The following TSHZ3 variants were observed in gnomAD, a reference collection of about 807,000 sequenced individuals.
TSHZ3 encodes teashirt homolog 3.
In TSHZ3, 10 loss-of-function variants were observed where a neutral mutation model predicts 64.5. That is an observed-to-expected ratio of 0.16 (90% CI 0.10 to 0.26). The LOEUF is 0.26. Ranked by LOEUF, TSHZ3 falls within the 10% of genes least tolerant of loss-of-function variation. The pLI, the probability that TSHZ3 is intolerant of heterozygous loss-of-function variation, is 1.00. For missense variants in TSHZ3, 1,242 were observed against 1,421.7 expected (o/e 0.87, Z 2.03); for synonymous variants, 608 against 593.1 (o/e 1.03, Z -0.36).
intron 1 of TSHZ3, among the ~76,000 whole-genome samples, chr19:31,301,896 T>C (rs1383567718): frequency 6.6e-6 from 1 of 152,072 alleles, no homozygotes; most frequent in Non-Finnish European, 1.5e-5. Context: ...GGAGACACTG[T>C]GTCCCAGATA....
intron 1 of TSHZ3, among the ~76,000 whole-genome samples, chr19:31,316,934 C>T (rs1336355967): frequency 6.6e-6 from 1 of 152,096 alleles, no homozygotes; most frequent in East Asian, 1.9e-4. Flanking sequence ...TCTCTGCTTG[C>T]TTTTATTTTC....
chr19:31,259,727 C>T (rs908424509), intron 1 of TSHZ3, among the ~76,000 whole-genome samples: 6 of 151,912 alleles, frequency 3.9e-5, no homozygotes, highest in South Asian at 2.1e-4. Flanking sequence ...TGGGTGTAGA[C>T]GGCAGCTGTC....
chr19:31,228,524 T>A (rs1396438624), intron 3 of TSHZ3, among the ~76,000 whole-genome samples: 13 of 131,088 alleles, frequency 9.9e-5, no homozygotes, highest in Admixed American at 1.6e-4. Flanking sequence ...AAACCCTGTC[T>A]AAAAAAAAAA....
chr19:31,215,745 C>T (rs1001755356), intron 4 of TSHZ3, among the ~76,000 whole-genome samples: 8 of 152,046 alleles, frequency 5.3e-5, no homozygotes, highest in Non-Finnish European at 1.2e-4. Flanking sequence ...GTGGTGTGTG[C>T]CTGTAATCCC....
chr19:31,327,874 T>C (rs1916976187), intron 1 of TSHZ3, among the ~76,000 whole-genome samples: 6 of 152,234 alleles, frequency 3.9e-5, no homozygotes, highest in Non-Finnish European at 8.8e-5. Context: ...TATTCTCTTA[T>C]TTGTTTAGTG....
chr19:31,199,030 A>G (rs1034272097), intron 5 of TSHZ3, among the ~76,000 whole-genome samples: 1 of 152,210 alleles, frequency 6.6e-6, no homozygotes, highest in Non-Finnish European at 1.5e-5. Context: ...CTGTAAAACT[A>G]CAATAATCAA....
intron 5 of TSHZ3, among the ~76,000 whole-genome samples, chr19:31,195,061 TG>T (rs901991339): frequency 8.0e-5 from 12 of 150,700 alleles, no homozygotes; most frequent in African/African-American, 2.7e-4. Context: ...AAGAAAAAAA[TG>T]GGGGGGAAGC....
chr19:31,224,456 G>C (rs919099792), intron 4 of TSHZ3, among the ~76,000 whole-genome samples: 1 of 152,192 alleles, frequency 6.6e-6, no homozygotes, highest in Non-Finnish European at 1.5e-5. Flanking sequence ...TATTCTGAAG[G>C]GGGAAAAGGA....
chr19:31,196,770 C>G (rs1229669335), intron 5 of TSHZ3, among the ~76,000 whole-genome samples: 1 of 151,900 alleles, frequency 6.6e-6, no homozygotes, highest in African/African-American at 2.4e-5. Context: ...CATAACAATC[C>G]TTAGTAAAGT....
At chr19:31,211,229 A>G (rs1035597300) in intron 4 of TSHZ3, among the ~76,000 whole-genome samples, 3 of 152,184 alleles carry the variant, frequency 2.0e-5, no homozygotes, top group African/African-American at 4.8e-5. Flanking sequence ...ACTCCTGCTC[A>G]TGGTTTCCCC....
rs148943651 is a variant in TSHZ3, at chr19:31,278,644, C to A, written c.1149G>T (p.Ser383=). 1 of 1,614,104 alleles carries A rather than the reference C, an allele frequency of 6.2e-7. No individual in the cohort carries two copies. The highest frequency in any genetic ancestry group is 1.3e-5 in the African/African-American group (1 of 75,040). ...CACACTCCATGCACTTCAGGATCTG[C>A]GACTTCCGGGCCTCAAAGTGCCATG... The part of the protein sequence containing the change: ...SYAWHFEARK[S]QILKCMECGS... Residue 383 remains serine (S), a synonymous_variant, in exon 2 of 2, where the codon TCG becomes TCT. Coordinates refer to ENST00000240587, the MANE Select transcript of TSHZ3 (RefSeq NM_020856.4). This position sits in a 1 kb window ranked among gnomAD's most constrained non-coding sequence, Gnocchi z 4.7.
chr19:31,193,555 G>C (rs1974943785), intron 5 of TSHZ3, among the ~76,000 whole-genome samples: 2 of 152,176 alleles, frequency 1.3e-5, no homozygotes, highest in Admixed American at 1.3e-4. Context: ...TCGCGATCCT[G>C]CATGTTATAC....
chr19:31,163,508 G>A (rs1356267952), intron 5 of TSHZ3, among the ~76,000 whole-genome samples: 6 of 152,142 alleles, frequency 3.9e-5, no homozygotes. Flanking sequence ...GAGGTGGGCG[G>A]ATCACTTGAG....
At chr19:31,286,222 A>G (rs1051339274) in intron 1 of TSHZ3, among the ~76,000 whole-genome samples, 1 of 152,246 alleles carries the variant, frequency 6.6e-6, no homozygotes, top group African/African-American at 2.4e-5. Context: ...ACACATTTCC[A>G]GACAACTGCC....
chr19:31,303,652 C>T (rs1976793126), intron 1 of TSHZ3, among the ~76,000 whole-genome samples: 1 of 152,150 alleles, frequency 6.6e-6, no homozygotes. Flanking sequence ...CCTCTGTTGG[C>T]ATTTCTTCCC....
At chr19:31,313,545 G>A (rs1431393217) in intron 1 of TSHZ3, among the ~76,000 whole-genome samples, 3 of 152,174 alleles carry the variant, frequency 2.0e-5, no homozygotes, top group Admixed American at 2.0e-4. Context: ...CTGCCTGTTG[G>A]GCTGCGGAAA....
At chr19:31,221,654 A>G (rs1028766449) in intron 4 of TSHZ3, among the ~76,000 whole-genome samples, 2 of 152,112 alleles carry the variant, frequency 1.3e-5, no homozygotes, top group Non-Finnish European at 2.9e-5. Context: ...CTCTTCTTCC[A>G]TGTTTGGTGG....
chr19:31,248,425 G>C (rs1975786233), intron 1 of TSHZ3, among the ~76,000 whole-genome samples: 1 of 152,114 alleles, frequency 6.6e-6, no homozygotes. Flanking sequence ...AAAACAACTT[G>C]CAGCAAGCAA....
intron 3 of TSHZ3, among the ~76,000 whole-genome samples, chr19:31,231,142 C>T (rs1471250866): frequency 6.6e-6 from 1 of 152,040 alleles, no homozygotes; most frequent in Non-Finnish European, 1.5e-5. Flanking sequence ...TTGGTATTTT[C>T]CAGACCCCAA....
Sources: gnomAD v4.1 joint callset for allele counts (sites outside exome capture counted in the v4.1 genomes callset) on GRCh38, gnomAD v4.1.1 for gene constraint, Gnocchi (gnomAD v3.1) non-coding constraint, MANE v1.5 for transcripts, NCBI Gene and HGNC (gene_info 2026-07-23, HGNC 2026-07-21) for gene names.